CAST: variants seen among roughly 807,000 people sequenced by gnomAD.
CAST encodes calpastatin.
A neutral mutation model predicts 119.6 loss-of-function variants in CAST; 76 were observed. The observed-to-expected ratio is 0.64, with a 90% CI of 0.53 to 0.77. The LOEUF is 0.77. Among genes scored for constraint, CAST ranks in the 30% least tolerant of loss-of-function variants. CAST has a pLI of 0.00. For missense variants in CAST, 953 were observed against 946.5 expected (o/e 1.01, Z -0.09); for synonymous variants, 319 against 331.6 (o/e 0.96, Z 0.41).
chr5:96,036,285 A>G, the CAST span, among the ~76,000 whole-genome samples: 1 of 152,102 alleles, frequency 6.6e-6, no homozygotes, highest in Non-Finnish European at 1.5e-5. Flanking sequence ...TTTAAAAAAG[A>G]TTTTGAACTA....
chr5:96,167,804 A>G, the CAST span, among the ~76,000 whole-genome samples: 1 of 152,190 alleles, frequency 6.6e-6, no homozygotes, highest in Non-Finnish European at 1.5e-5. Context: ...GAGGTATTTT[A>G]GTTTCCTAAC....
chr5:96,159,450 A>G, the CAST span, among the ~76,000 whole-genome samples: 5 of 152,240 alleles, frequency 3.3e-5, no homozygotes, highest in Admixed American at 1.3e-4. Context: ...GCAAAGTTGT[A>G]TAAAGCAAAA....
At chr5:96,706,975 G>A (rs1755108329) in intron 3 of CAST, among the ~76,000 whole-genome samples, 1 of 152,152 alleles carries the variant, frequency 6.6e-6, no homozygotes, top group South Asian at 2.1e-4. Context: ...AGCTCTGAGG[G>A]TTACATTTCT....
At position 96,729,179 on chromosome 5, in the gene CAST, C is replaced by A; in HGVS notation, c.405C>A (p.Ser135=). 1 of 1,601,012 alleles carries A rather than the reference C, an allele frequency of 6.2e-7. No individual in the cohort carries two copies. The highest frequency in any genetic ancestry group is 8.6e-7 in the Non-Finnish European group (1 of 1,169,510). The change falls in exon 7 of 32, where the codon TCC becomes TCA. Residue 135 remains serine, a synonymous_variant. Transcript: ENST00000675179. ...TGTCTGTGGTTCATGAGAAAAAATC[C>A]CAAGAAGGAAAGCCAAAAGAACACA... The part of the protein sequence containing the change: ...TKLSVVHEKK[S]QEGKPKEHTE...
At chr5:96,167,042 C>T in the CAST span, among the ~76,000 whole-genome samples, 479 of 152,060 alleles carry the variant, frequency 3.2e-3, 1 homozygote, top group Non-Finnish European at 3.8e-3. Flanking sequence ...ATTTGTCATA[C>T]AGAATTATTG....
the CAST span, among the ~76,000 whole-genome samples, chr5:96,447,548 C>T: frequency 9.2e-5 from 14 of 152,074 alleles, no homozygotes; most frequent in African/African-American, 2.9e-4. Context: ...ATGTTACTCA[C>T]GGGCAGAAAA....
chr5:96,658,863 T>C (rs538690616), upstream of CAST, among the ~76,000 whole-genome samples: 200 of 152,354 alleles, frequency 1.3e-3, 1 homozygote, highest in Non-Finnish European at 2.2e-3. Flanking sequence ...GATTTAAACA[T>C]AGTTGTGTGG....
chr5:96,337,628 C>T, the CAST span, among the ~76,000 whole-genome samples: 1 of 152,164 alleles, frequency 6.6e-6, no homozygotes. Flanking sequence ...TGCAGGTAGC[C>T]ACATCTGTGC....
At chr5:96,332,540 C>T in the CAST span, among the ~76,000 whole-genome samples, 2 of 152,016 alleles carry the variant, frequency 1.3e-5, no homozygotes, top group African/African-American at 2.4e-5. Flanking sequence ...AATCATGTTG[C>T]ATGCAGAATA....
At chr5:96,125,294 T>A in the CAST span, among the ~76,000 whole-genome samples, 1 of 152,194 alleles carries the variant, frequency 6.6e-6, no homozygotes, top group East Asian at 1.9e-4. Flanking sequence ...GCTAGCCCAG[T>A]GATTAAGAAC....
the CAST span, among the ~76,000 whole-genome samples, chr5:96,304,043 T>C: frequency 6.6e-6 from 1 of 152,254 alleles, no homozygotes; most frequent in South Asian, 2.1e-4. Flanking sequence ...CCACAATGGT[T>C]GAACTAATTT....
chr5:96,572,533 T>C (rs1580830043), intron 1 of CAST, among the ~76,000 whole-genome samples: 1 of 53,818 alleles, frequency 1.9e-5, no homozygotes. Flanking sequence ...CACTTCACTT[T>C]GTGCAAAAGC....
the CAST span, among the ~76,000 whole-genome samples, chr5:96,227,991 C>T: frequency 0.023 from 3,169 of 136,412 alleles, 124 homozygotes; most frequent in African/African-American, 0.087. Context: ...TGTAGTCTCC[C>T]TCTTTCTCTC....
chr5:96,478,920 A>G, the CAST span, among the ~76,000 whole-genome samples: 4 of 152,234 alleles, frequency 2.6e-5, no homozygotes, highest in South Asian at 4.1e-4. Context: ...AGGTCACAGG[A>G]TAACTGATAG....
rs7725542 is a variant in CAST at position 96,740,603 on chromosome 5, C to T, written c.880-142C>T. ...AGGAACCTATCTCAAAATCAGGTCTCGTTTTGAGGTACTGGGGTTAAGACT... is the reference window on the plus strand; with the variant it reads ...AGGAACCTATCTCAAAATCAGGTCTTGTTTTGAGGTACTGGGGTTAAGACT... On this transcript the variant is annotated intron_variant, in intron 12 of 31. Transcript: ENST00000675179. 139 of 665,260 alleles carry T rather than the reference C, an allele frequency of 2.1e-4. 1 individual carries two copies. The highest frequency in any genetic ancestry group is 2.1e-3 in the African/African-American group (115 of 55,200). The allele number at this position is 665,260 out of a possible 1,614,324, so 41.2% of individuals were successfully genotyped here.
At chr5:96,013,643 A>G in the CAST span, among the ~76,000 whole-genome samples, 1 of 152,152 alleles carries the variant, frequency 6.6e-6, no homozygotes, top group African/African-American at 2.4e-5. Flanking sequence ...ACAAACCTAG[A>G]TAGTACAGCC....
At chr5:96,088,482 C>T in the CAST span, among the ~76,000 whole-genome samples, 273 of 152,266 alleles carry the variant, frequency 1.8e-3, 1 homozygote, top group African/African-American at 6.3e-3. Context: ...AGAGCTAAGA[C>T]AATGAGAGAA....
At chr5:96,291,530 G>T in the CAST span, among the ~76,000 whole-genome samples, 2 of 151,692 alleles carry the variant, frequency 1.3e-5, no homozygotes, top group Non-Finnish European at 2.9e-5. Flanking sequence ...CTTTAGTCTT[G>T]GTCTTGCTGA....
chr5:96,703,199 G>A (rs888925198), intron 3 of CAST, among the ~76,000 whole-genome samples: 7 of 152,210 alleles, frequency 4.6e-5, no homozygotes, highest in Admixed American at 2.6e-4. Flanking sequence ...CAAAACAAGG[G>A]ATTTGTGTGG....
Sources: gnomAD v4.1 joint callset for allele counts (sites outside exome capture counted in the v4.1 genomes callset) on GRCh38, gnomAD v4.1.1 for gene constraint, MANE v1.5 for transcripts, NCBI Gene and HGNC (gene_info 2026-07-23, HGNC 2026-07-21) for gene names.